Variants in FXYD5 observed in about 807,000 individuals in gnomAD.
FXYD5 encodes FXYD domain-containing ion transport regulator 5.
A neutral mutation model predicts 25.7 loss-of-function variants in FXYD5; 21 were observed. The observed-to-expected ratio is 0.82, with a 90% confidence interval of 0.58 to 1.18. The LOEUF is 1.18. Ranked by LOEUF, FXYD5 falls within the 50% of genes most tolerant of loss-of-function variation. FXYD5 has a pLI of 0.00. For missense variants in FXYD5, 229 were observed against 227.7 expected (o/e 1.01, Z -0.04); for synonymous variants, 101 against 90.7 (o/e 1.11, Z -0.64).
intron 6 of FXYD5, among the ~76,000 whole-genome samples, chr19:35,165,213 A>T (rs905090939): frequency 6.6e-6 from 1 of 152,238 alleles, no homozygotes; most frequent in Non-Finnish European, 1.5e-5. Context: ...AGGAATAAAG[A>T]ATGGCTACTC....
intron 8 of FXYD5, among the ~76,000 whole-genome samples, chr19:35,168,569 G>A (rs1209748632): frequency 2.0e-5 from 3 of 152,176 alleles, no homozygotes; most frequent in African/African-American, 7.2e-5. Flanking sequence ...CTGAGGGGCT[G>A]GAGGAGGCAA....
intron 5 of FXYD5, among the ~76,000 whole-genome samples, chr19:35,163,061 G>C (rs1253730189): frequency 6.6e-6 from 1 of 152,208 alleles, no homozygotes; most frequent in East Asian, 1.9e-4. Flanking sequence ...AGGTTACTCA[G>C]CTTGCCCTAG....
chr19:35,168,292 A>G (rs2065468537), intron 8 of FXYD5, among the ~76,000 whole-genome samples: 1 of 152,188 alleles, frequency 6.6e-6, no homozygotes, highest in African/African-American at 2.4e-5. Context: ...TGATAAGCAA[A>G]TAAATGCATG....
At chr19:35,157,349 G>T (rs2145411001) in intron 2 of FXYD5, 72 bp from the exon 3 acceptor site, 1 of 775,726 alleles carries the variant, frequency 1.3e-6, no homozygotes, top group East Asian at 2.5e-5. Flanking sequence ...GTTTCACCAG[G>T]GAGGCGAGGG....
chr19:35,157,223 G>T (rs952367803), intron 2 of FXYD5, among the ~76,000 whole-genome samples, 198 bp from the exon 3 acceptor site: 2 of 152,158 alleles, frequency 1.3e-5, no homozygotes, highest in Admixed American at 6.5e-5. Context: ...AGGGATGGGC[G>T]GGGAGGGGGA....
At position 35,169,193 on chromosome 19, in the gene FXYD5, A is replaced by G. The variant is rs183323837; in HGVS notation, c.488-373A>G. Among the ~76,000 whole-genome samples the G allele has an allele frequency of 5.9e-5, 9 of 152,020 alleles. No homozygotes were observed. The East Asian group carries it at 1.7e-3, about 29-fold the overall frequency. On this transcript the variant is annotated intron_variant, in intron 8 of 8. Transcript: ENST00000392219. The stretch of plus-strand genomic sequence containing the variant: ...CCTTTGTAGGACTTAACACCCTCCC[A>G]CTTAGCACCTTCATACATTTGATTT...
intron 8 of FXYD5, among the ~76,000 whole-genome samples, chr19:35,167,519 G>A (rs746264546): frequency 5.3e-5 from 8 of 152,216 alleles, no homozygotes; most frequent in Non-Finnish European, 1.2e-4. Flanking sequence ...CATGCAGGGA[G>A]AGGAAGTTGT....
chr19:35,157,040 T>C, intron 2 of FXYD5: 1 of 210,130 alleles, frequency 4.8e-6, no homozygotes, highest in Non-Finnish European at 9.6e-6. Flanking sequence ...CCCTGTGAAG[T>C]AGATTCAGTT....
At chr19:35,159,604 A>G in intron 4 of FXYD5, 2 of 1,550,562 alleles carry the variant, frequency 1.3e-6, no homozygotes, top group Non-Finnish European at 1.7e-6. Flanking sequence ...CAGCACCACA[A>G]TGAGCAACTT....
At position 35,166,297 on chromosome 19, in the gene FXYD5, G is replaced by A. The variant is rs145467834; in HGVS notation, c.459G>A (p.Leu153=). The A allele has an allele frequency of 6.3e-6, 10 of 1,598,336 alleles. No individual in the cohort carries two copies. The highest frequency in any genetic ancestry group is 4.5e-5 in the East Asian group (2 of 44,756). The part of the protein sequence containing the change: ...RKRGLLVAAV[L]FITGIIILTS... ...GGGGGCTGTTGGTCGCAGCTGTGCT[G>A]TTCATCACAGGCATCATCATCCTCA... The change falls in exon 8 of 9, where the codon CTG becomes CTA. Residue 153 remains leucine (L), a synonymous_variant. Transcript: ENST00000392219.
intron 4 of FXYD5, chr19:35,159,411 C>G: frequency 1.4e-6 from 2 of 1,463,358 alleles, no homozygotes; most frequent in Non-Finnish European, 1.8e-6. Context: ...TATGATTGTT[C>G]TGCAGCTTGC....
chr19:35,155,868 A>G (rs1355893366), intron 2 of FXYD5, among the ~76,000 whole-genome samples: 2 of 152,328 alleles, frequency 1.3e-5, no homozygotes, highest in East Asian at 1.9e-4. Context: ...TTCACCTCCA[A>G]GAAGAACTCA....
intron 5 of FXYD5, among the ~76,000 whole-genome samples, chr19:35,161,249 A>ACACACACACACAC (rs58296906): frequency 0.022 from 2,701 of 120,396 alleles, 88 homozygotes; most frequent in East Asian, 0.047. Flanking sequence ...CACACACACA[A>ACACACACACACAC]AAGAATGATT....
intron 3 of FXYD5, 21 bp from the exon 4 acceptor site, chr19:35,158,323 C>T (rs1330812635): frequency 1.9e-6 from 3 of 1,561,942 alleles, no homozygotes; most frequent in Non-Finnish European, 2.6e-6. Context: ...CTCTCCGTGA[C>T]TCCTTGTTTC....
At chr19:35,163,431 A>C (rs2065423027) in intron 5 of FXYD5, among the ~76,000 whole-genome samples, 1 of 150,458 alleles carries the variant, frequency 6.6e-6, no homozygotes, top group Non-Finnish European at 1.5e-5. Flanking sequence ...CAAGAGAAGA[A>C]TCCTTTGGTA....
intron 2 of FXYD5, among the ~76,000 whole-genome samples, chr19:35,156,129 C>G (rs1400051345): frequency 1.3e-5 from 2 of 152,140 alleles, no homozygotes; most frequent in African/African-American, 2.4e-5. Context: ...TTGCCTCTGA[C>G]AGTCAGTCAC....
At chr19:35,161,991 T>A (rs531604257) in intron 5 of FXYD5, among the ~76,000 whole-genome samples, 10 of 152,218 alleles carry the variant, frequency 6.6e-5, no homozygotes, top group Non-Finnish European at 1.3e-4. Flanking sequence ...TGGATGGAAA[T>A]AAAGTGCTTT....
At chr19:35,159,502 T>C in intron 4 of FXYD5, 2 of 1,550,012 alleles carry the variant, frequency 1.3e-6, no homozygotes, top group Non-Finnish European at 1.7e-6. Flanking sequence ...CTCTCCTGCC[T>C]GGTATTCCAC....
intron 8 of FXYD5, 181 bp downstream of exon 8, chr19:35,166,506 A>G (rs1186131704): frequency 2.0e-6 from 1 of 512,658 alleles, no homozygotes; most frequent in Admixed American, 3.7e-5. Flanking sequence ...TTGAGCTCTC[A>G]ATACCACAGT....
Sources: gnomAD v4.1 joint callset for allele counts (sites outside exome capture counted in the v4.1 genomes callset) on GRCh38, gnomAD v4.1.1 for gene constraint, MANE v1.5 for transcripts, NCBI Gene and HGNC (gene_info 2026-07-23, HGNC 2026-07-21) for gene names.